The following CD99 variants were observed in gnomAD, a reference collection of about 807,000 sequenced individuals.
CD99 encodes the protein CD99 antigen.
A neutral mutation model predicts 28.4 loss-of-function variants in CD99; 19 were observed. The ratio of observed to expected loss-of-function variants is 0.67; its 90% CI spans 0.47 to 0.98. The LOEUF (loss-of-function observed/expected upper bound fraction) is 0.98. Ranked by LOEUF, CD99 falls within the 50% of genes least tolerant of loss-of-function variation. CD99 has a pLI of 0.00. For missense variants in CD99, 283 were observed against 248.8 expected (o/e 1.14, Z -0.92); for synonymous variants, 103 against 92.1 (o/e 1.12, Z -0.67).
At chrX:2,732,388 T>C (rs2049665719) in intron 8 of CD99, among the ~76,000 whole-genome samples, 1 of 152,158 alleles carries the variant, frequency 6.6e-6, no homozygotes, top group Non-Finnish European at 1.5e-5. Flanking sequence ...GGTCCTGGGC[T>C]CACAGTGGGT....
chrX:2,692,155 T>G, intron 1 of CD99: 2 of 546,742 alleles, frequency 3.7e-6, no homozygotes, highest in Non-Finnish European at 6.5e-6. Context: ...TATTTCTAAT[T>G]ATTACTTTAA....
chrX:2,710,939 C>T (rs2048371217), intron 1 of CD99, among the ~76,000 whole-genome samples: 2 of 131,498 alleles, frequency 1.5e-5, no homozygotes, highest in Non-Finnish European at 3.1e-5. Context: ...GGCATGATCT[C>T]TGCTCACTGC....
intron 1 of CD99, among the ~76,000 whole-genome samples, chrX:2,700,541 C>T (rs779483214): frequency 3.3e-5 from 5 of 151,622 alleles, no homozygotes; most frequent in South Asian, 2.1e-4. Context: ...TCCATCCATG[C>T]GTGCATCCAT....
At chrX:2,704,692 G>T (rs1418683528) in intron 1 of CD99, among the ~76,000 whole-genome samples, 1 of 152,118 alleles carries the variant, frequency 6.6e-6, no homozygotes, top group Non-Finnish European at 1.5e-5. Context: ...CAAAGTGTTG[G>T]GATTACAGGA....
At chrX:2,706,016 G>C (rs2048095343) in intron 1 of CD99, among the ~76,000 whole-genome samples, 1 of 151,054 alleles carries the variant, frequency 6.6e-6, no homozygotes, top group Non-Finnish European at 1.5e-5. Context: ...AAGTTTTTAG[G>C]GTCAGACCAT....
chrX:2,727,409 T>C, intron 8 of CD99: 1 of 758,744 alleles, frequency 1.3e-6, no homozygotes, highest in Non-Finnish European at 2.5e-6. Context: ...TACATTTAGC[T>C]CTTGCCTTCC....
Position 2,691,673 on chromosome X carries a change from C to T in CD99, c.67+246C>T, listed in dbSNP as rs1389845271. On this transcript the variant is annotated intron_variant, in intron 1 of 9. Transcript: ENST00000381192. ...TTGTTGTCGGAGTTGCAAACTCTTA[C>T]ATGTGGGGCGGCCTTGGGAGAGGTG... 4 of 703,910 alleles carry T rather than the reference C, an allele frequency of 5.7e-6. No homozygotes were observed. The African/African-American group carries it at 7.0e-5, about 12-fold the overall frequency. 43.6% of individuals were successfully genotyped at this position (703,910 alleles called of 1,614,324 possible). A position where few individuals can be genotyped will look rare whatever the true frequency, so the allele number is the denominator to read the frequency against.
At chrX:2,725,487 A>G (rs2049228106) in intron 7 of CD99, among the ~76,000 whole-genome samples, 1 of 152,214 alleles carries the variant, frequency 6.6e-6, no homozygotes, top group Non-Finnish European at 1.5e-5. Context: ...AGGGGTGAAA[A>G]AGGAGCATTC....
At chrX:2,691,771 C>G in intron 1 of CD99, 1 of 763,950 alleles carries the variant, frequency 1.3e-6, no homozygotes, top group South Asian at 1.4e-5. Flanking sequence ...TCACCCCACC[C>G]CGTTATCTAC....
At chrX:2,730,040 A>G (rs1472175382) in intron 8 of CD99, among the ~76,000 whole-genome samples, 4 of 151,982 alleles carry the variant, frequency 2.6e-5, no homozygotes, top group African/African-American at 9.7e-5. Context: ...TGTGGTCCCA[A>G]CTACTCTGGA....
Position 2,714,570 on chromosome X carries a change from A to G in CD99, c.100+116A>G, listed in dbSNP as rs771524986. ...CTAGACCACCGCAATAACAGGAGTC[A>G]TAGCAATTTTTGGCTTCCCAGTACA... On this transcript the variant is annotated intron_variant, in intron 2 of 9. Transcript: ENST00000381192. 40 of 896,478 alleles carry G rather than the reference A, an allele frequency of 4.5e-5. 1 individual carries two copies. Among genetic ancestry groups the G allele is most frequent in the African/African-American group, 4.4e-4 (27 of 61,622 alleles). The allele number at this position is 896,478 out of a possible 1,614,324, so 55.5% of individuals were successfully genotyped here.
At chrX:2,707,782 C>T (rs2048194247) in intron 1 of CD99, among the ~76,000 whole-genome samples, 1 of 152,200 alleles carries the variant, frequency 6.6e-6, no homozygotes, top group Non-Finnish European at 1.5e-5. Context: ...GGCTCCTTCT[C>T]TGAGGGCATG....
intron 8 of CD99, among the ~76,000 whole-genome samples, chrX:2,736,357 T>G (rs2049940234): frequency 6.7e-6 from 1 of 148,956 alleles, no homozygotes; most frequent in African/African-American, 2.4e-5. Flanking sequence ...TCGATGAGCT[T>G]CTGCTGCTTC....
At position 2,706,874 on chromosome X, in the gene CD99, G is replaced by A. The variant is rs904849783; in HGVS notation, c.68-7548G>A. 1.5e-3 allele frequency among the ~76,000 whole-genome samples: 231 copies of A among 152,010 alleles called. 2 individuals carry two copies. Among genetic ancestry groups the A allele is most frequent in the Non-Finnish European group, 3.2e-4 (22 of 67,988 alleles). Reference sequence around the variant, plus strand: ...CTCACTCTGTCGCCCAGGCTGGAGTGCAGTGGTGCGATCTCGGCTCACTGC... The same window carrying A: ...CTCACTCTGTCGCCCAGGCTGGAGTACAGTGGTGCGATCTCGGCTCACTGC... On this transcript the variant is annotated intron_variant, in intron 1 of 9. Transcript: ENST00000381192.
intron 7 of CD99, among the ~76,000 whole-genome samples, chrX:2,724,267 G>A (rs774105022): frequency 6.6e-6 from 1 of 152,292 alleles, no homozygotes; most frequent in South Asian, 2.1e-4. Context: ...TCAGGGAGGG[G>A]TAGTTAAGCT....
chrX:2,720,380 C>A lies in CD99; in HGVS notation c.218C>A (p.Pro73His), dbSNP rs750801970. The change falls in exon 5 of 10, where the codon CCC becomes CAC. Residue 73 changes from proline to histidine, a missense_variant. Physicochemically the swap from Pro to His is moderately conservative, Grantham distance 77. Transcript: ENST00000381192. ...ENDDPRPPNP[P>H]KPMPNPNPNH... ...GACGACCCACGACCACCGAACCCACCCAAACCGATGCCAAATCCAAACCCC... is the reference window on the plus strand; with the variant it reads ...GACGACCCACGACCACCGAACCCACACAAACCGATGCCAAATCCAAACCCC... 6.2e-7 allele frequency: 1 copy of A among 1,613,832 alleles called. No homozygotes were observed. Among genetic ancestry groups the A allele is most frequent in the Non-Finnish European group, 8.5e-7 (1 of 1,179,840 alleles).
intron 1 of CD99, among the ~76,000 whole-genome samples, chrX:2,710,138 G>T (rs1382839183): frequency 6.7e-6 from 1 of 150,160 alleles, no homozygotes; most frequent in African/African-American, 2.5e-5. Flanking sequence ...GCTGGGCATG[G>T]GAGTGCAGGG....
chrX:2,725,210 G>C (rs2049211370), intron 7 of CD99, among the ~76,000 whole-genome samples: 1 of 151,756 alleles, frequency 6.6e-6, no homozygotes, highest in Non-Finnish European at 1.5e-5. Flanking sequence ...ATCAGACTGG[G>C]CAACATAGCA....
At chrX:2,704,799 A>T (rs1176625235) in intron 1 of CD99, among the ~76,000 whole-genome samples, 1 of 151,180 alleles carries the variant, frequency 6.6e-6, no homozygotes, top group Non-Finnish European at 1.5e-5. Context: ...CTGCAATCTC[A>T]ACCTCCACAA....
Sources: gnomAD v4.1 joint callset for allele counts (sites outside exome capture counted in the v4.1 genomes callset) on GRCh38, gnomAD v4.1.1 for gene constraint, MANE v1.5 for transcripts, NCBI Gene and HGNC (gene_info 2026-07-23, HGNC 2026-07-21) for gene names.